GLIS3: variants seen among roughly 807,000 people sequenced by gnomAD.
GLIS3 encodes zinc finger protein GLIS3.
GLIS3 carries 53 observed loss-of-function variants against 78.6 expected under a neutral mutation model. The observed-to-expected ratio is 0.67, with a 90% CI of 0.54 to 0.85. GLIS3 has a LOEUF of 0.85. Among genes scored for constraint, GLIS3 ranks in the 40% least tolerant of loss-of-function variants. The pLI, the probability that GLIS3 is intolerant of heterozygous loss-of-function variation, is 0.00. For missense variants in GLIS3, 1,703 were observed against 1,231.1 expected (o/e 1.38, Z -5.74); for synonymous variants, 684 against 509.9 (o/e 1.34, Z -4.60).
the GLIS3 span, among the ~76,000 whole-genome samples, chr9:4,451,290 A>T: frequency 6.6e-6 from 1 of 152,216 alleles, no homozygotes; most frequent in Non-Finnish European, 1.5e-5. Context: ...ATTCAATAAG[A>T]AGAGCTAACT....
chr9:3,853,501 T>G (rs1387389377), intron 9 of GLIS3, among the ~76,000 whole-genome samples: 1 of 152,148 alleles, frequency 6.6e-6, no homozygotes, highest in Non-Finnish European at 1.5e-5. Flanking sequence ...GAGTCTAATT[T>G]TTTAAAAAAG....
intron 4 of GLIS3, among the ~76,000 whole-genome samples, chr9:3,969,559 G>A (rs940650383): frequency 6.6e-6 from 1 of 152,180 alleles, no homozygotes; most frequent in Non-Finnish European, 1.5e-5. Context: ...CAGGAATATG[G>A]ACCATGAAGT....
At chr9:4,089,116 T>TG (rs1214309006) in intron 4 of GLIS3, among the ~76,000 whole-genome samples, 3 of 152,244 alleles carry the variant, frequency 2.0e-5, no homozygotes, top group African/African-American at 7.2e-5. Flanking sequence ...CCAAATATTT[T>TG]GATGTGGCCT....
intron 4 of GLIS3, among the ~76,000 whole-genome samples, chr9:4,052,567 G>A (rs1222368958): frequency 1.3e-5 from 2 of 152,108 alleles, no homozygotes; most frequent in Admixed American, 6.6e-5. Flanking sequence ...TGGACATGTC[G>A]TAGAAACTGA....
chr9:4,359,201 G>A, the GLIS3 span, among the ~76,000 whole-genome samples: 10 of 151,958 alleles, frequency 6.6e-5, no homozygotes, highest in South Asian at 4.2e-4. Context: ...AACGCCCACC[G>A]CTCTGCATAC....
intron 2 of GLIS3, among the ~76,000 whole-genome samples, chr9:4,231,407 G>A (rs924975978): frequency 1.3e-5 from 2 of 152,128 alleles, no homozygotes; most frequent in East Asian, 3.8e-4. Flanking sequence ...CTGTAAGATA[G>A]ATTGGCCAGC....
chr9:4,464,611 T>C, the GLIS3 span, among the ~76,000 whole-genome samples: 2 of 152,028 alleles, frequency 1.3e-5, no homozygotes, highest in African/African-American at 4.8e-5. Flanking sequence ...GCCAGGCTGG[T>C]TTTGAACTCC....
chr9:4,274,046 C>T (rs1270574770), intron 2 of GLIS3, among the ~76,000 whole-genome samples: 1 of 152,150 alleles, frequency 6.6e-6, no homozygotes, highest in Non-Finnish European at 1.5e-5. Flanking sequence ...TTTGCCTAGA[C>T]TCTGCCCATT....
chr9:4,290,778 C>T (rs770180562), intron 1 of GLIS3, among the ~76,000 whole-genome samples: 9 of 152,116 alleles, frequency 5.9e-5, no homozygotes, highest in Non-Finnish European at 1.3e-4. Context: ...TATTAGATGT[C>T]ACCAATAAAT....
intron 2 of GLIS3, among the ~76,000 whole-genome samples, chr9:4,344,115 T>A (rs552840913): frequency 1.2e-4 from 18 of 152,312 alleles, no homozygotes; most frequent in African/African-American, 4.3e-4. Flanking sequence ...TTCCATTTCC[T>A]ACCTTAACAT....
At chr9:4,206,631 G>A (rs147411256) in intron 2 of GLIS3, among the ~76,000 whole-genome samples, 128 of 152,328 alleles carry the variant, frequency 8.4e-4, no homozygotes, top group East Asian at 6.4e-3. Context: ...TGAACTGGAA[G>A]AACTCTAGGC....
chr9:4,271,925 T>G lies in GLIS3; in HGVS notation c.388+14113A>C, dbSNP rs569656934. Among the ~76,000 whole-genome samples, 16 of 152,278 alleles carry G rather than the reference T, an allele frequency of 1.1e-4. No homozygotes were observed. The East Asian group carries it at 3.1e-3, about 29-fold the overall frequency. ...GCCATGTGACCGTGGCTAAGTTACT[T>G]CATCTCTTCAACACTTCATTTTCTT... On this transcript the variant is annotated intron_variant, in intron 2 of 10. Transcript: ENST00000381971.
intron 8 of GLIS3, among the ~76,000 whole-genome samples, chr9:3,866,110 T>C (rs1343008855): frequency 6.6e-6 from 1 of 152,204 alleles, no homozygotes; most frequent in Non-Finnish European, 1.5e-5. Context: ...ATGAGAGTAG[T>C]ATTCTTGCTT....
chr9:4,236,197 AAAAAAAAAAAGAAAG>A (rs1170267511), intron 2 of GLIS3, among the ~76,000 whole-genome samples: 24 of 147,594 alleles, frequency 1.6e-4, no homozygotes, highest in African/African-American at 5.7e-4. Context: ...AAAAAAAAAA[AAAAAAAAAAAGAAAG>A]AAAGAAAGAA....
chr9:4,460,388 T>C, the GLIS3 span, among the ~76,000 whole-genome samples: 1 of 152,216 alleles, frequency 6.6e-6, no homozygotes, highest in Non-Finnish European at 1.5e-5. Flanking sequence ...ACTCTGCACA[T>C]ACTGTAACTT....
chr9:4,261,600 G>A (rs12005016), intron 2 of GLIS3, among the ~76,000 whole-genome samples: 1 of 152,116 alleles, frequency 6.6e-6, no homozygotes, highest in Non-Finnish European at 1.5e-5. Context: ...GAGAACTCAA[G>A]AGGGTTACTC....
At chr9:3,955,972 ACCATAGAC>A (rs1264861712) in intron 4 of GLIS3, among the ~76,000 whole-genome samples, 1 of 148,218 alleles carries the variant, frequency 6.7e-6, no homozygotes, top group African/African-American at 2.5e-5. Context: ...CTAGGACCAT[ACCATAGAC>A]TGCTCCCATA....
chr9:4,015,252 T>C (rs953942771), intron 4 of GLIS3, among the ~76,000 whole-genome samples: 2 of 152,180 alleles, frequency 1.3e-5, no homozygotes, highest in East Asian at 1.9e-4. Flanking sequence ...AGGGGATAAA[T>C]TGGTAGCATT....
At chr9:3,843,895 A>G (rs555768611) in intron 9 of GLIS3, among the ~76,000 whole-genome samples, 1 of 152,204 alleles carries the variant, frequency 6.6e-6, no homozygotes, top group South Asian at 2.1e-4. Flanking sequence ...AGTCATACTT[A>G]AGTGAACTAG....
Sources: allele counts gnomAD v4.1 joint callset (sites outside exome capture counted in the v4.1 genomes callset), GRCh38; gene constraint gnomAD v4.1.1; transcripts MANE v1.5; gene names NCBI Gene and HGNC (gene_info 2026-07-23, HGNC 2026-07-21).